Variants in TUBGCP3 observed in about 807,000 individuals in gnomAD.
The protein encoded by TUBGCP3 is tubulin gamma complex component 3.
TUBGCP3 carries 50 observed loss-of-function variants against 123.1 expected under a neutral mutation model. The ratio of observed to expected loss-of-function variants is 0.41; its 90% CI spans 0.32 to 0.51. TUBGCP3 has a LOEUF of 0.51. Among genes scored for constraint, TUBGCP3 ranks in the 20% least tolerant of loss-of-function variants. The pLI is 0.36. For synonymous variants in TUBGCP3, 405 were observed against 413.9 expected (o/e 0.98, Z 0.26); for missense variants, 882 against 1,127.0 (o/e 0.78, Z 3.11).
intron 20 of TUBGCP3, among the ~76,000 whole-genome samples, chr13:112,497,833 T>C (rs1057238828): frequency 7.2e-5 from 11 of 152,212 alleles, no homozygotes; most frequent in Non-Finnish European, 1.2e-4. Context: ...AATATGGCAT[T>C]ATAATTTTAT....
At chr13:112,542,980 T>C (rs1432110028) in intron 11 of TUBGCP3, among the ~76,000 whole-genome samples, 1 of 152,130 alleles carries the variant, frequency 6.6e-6, no homozygotes, top group African/African-American at 2.4e-5. Context: ...AAACCCCGTC[T>C]CTACTAAAAT....
Position 112,569,033 on chromosome 13 carries a change from T to C in TUBGCP3, c.184+119A>G, listed in dbSNP as rs1881198207. 10 of 806,786 alleles carry C rather than the reference T, an allele frequency of 1.2e-5. No individual in the cohort carries two copies. The Admixed American group carries it at 2.4e-4, about 19-fold the overall frequency. The allele number at this position is 806,786 out of a possible 1,614,324, so 50.0% of individuals were successfully genotyped here. A position where few individuals can be genotyped will look rare whatever the true frequency, so the allele number is the denominator to read the frequency against. On this transcript the variant is annotated intron_variant, in intron 2 of 21. Coordinates refer to ENST00000261965, the MANE Select transcript of TUBGCP3 (RefSeq NM_006322.6). ...ACAGAATTGACTTGTCCTTATTTTG[T>C]ACCAATATTAAAATGCGCTTGGGAA...
chr13:112,547,947 G>T (rs1242993359), intron 9 of TUBGCP3, among the ~76,000 whole-genome samples, 161 bp downstream of exon 9: 1 of 152,012 alleles, frequency 6.6e-6, no homozygotes, highest in Non-Finnish European at 1.5e-5. Flanking sequence ...ACTGGCTCTA[G>T]GATACACTGA....
chr13:112,492,474 G>A lies in TUBGCP3; in HGVS notation c.2449-2777C>T, dbSNP rs898795419. ...AATATGCGCATGTCACCCCCATGCAGATGCAAGCGAGGGCATCTCAGCACC... is the reference window on the plus strand; with the variant it reads ...AATATGCGCATGTCACCCCCATGCAAATGCAAGCGAGGGCATCTCAGCACC... On this transcript the variant is annotated intron_variant, in intron 20 of 21. Coordinates refer to ENST00000261965, the MANE Select transcript of TUBGCP3 (RefSeq NM_006322.6). 2.0e-5 allele frequency among the ~76,000 whole-genome samples: 3 copies of A among 152,374 alleles called. No individual in the cohort carries two copies. The South Asian group carries it at 6.2e-4, about 32-fold the overall frequency.
Position 112,519,863 on chromosome 13 carries a change from C to T in TUBGCP3, c.1881+23G>A. ...GGGTCCTCGGTGCCGGGGCGGCGTT[C>T]CCAACACGCAGAGCCGCAGTACCTC... On this transcript the variant is annotated intron_variant, in intron 15 of 21. Coordinates refer to ENST00000261965, the MANE Select transcript of TUBGCP3 (RefSeq NM_006322.6). This position sits in a 1 kb window ranked among gnomAD's most constrained non-coding sequence, Gnocchi z 6.2. The T allele has an allele frequency of 6.2e-7, 1 of 1,606,602 alleles. No homozygotes were observed. The highest frequency in any genetic ancestry group is 8.5e-7 in the Non-Finnish European group (1 of 1,175,024).
intron 3 of TUBGCP3, 44 bp downstream of exon 3, chr13:112,565,067 T>C (rs1880849822): frequency 1.3e-6 from 2 of 1,540,118 alleles, no homozygotes; most frequent in Non-Finnish European, 1.8e-6. Context: ...ACTCATCATA[T>C]CCTCAACAAT....
chr13:112,524,463 T>C lies in TUBGCP3; in HGVS notation c.1556-1954A>G, dbSNP rs565405301. Among the ~76,000 whole-genome samples, 4 of 152,344 alleles carry C rather than the reference T, an allele frequency of 2.6e-5. No individual in the cohort carries two copies. The highest frequency in any genetic ancestry group is 7.2e-5 in the African/African-American group (3 of 41,580). On this transcript the variant is annotated intron_variant, in intron 13 of 21. Coordinates refer to ENST00000261965, the MANE Select transcript of TUBGCP3 (RefSeq NM_006322.6). The surrounding 1 kb of genome is among the most constrained non-coding windows in gnomAD (Gnocchi z 4.4). Reference sequence around the variant, plus strand: ...GACGCCCTGTCCCAGGCACAGCCCATGTGTGCGCCGCCTTCTCTAGGAACT... The same window carrying C: ...GACGCCCTGTCCCAGGCACAGCCCACGTGTGCGCCGCCTTCTCTAGGAACT...
intron 20 of TUBGCP3, among the ~76,000 whole-genome samples, chr13:112,494,252 A>C (rs995547549): frequency 6.6e-6 from 1 of 152,232 alleles, no homozygotes. Flanking sequence ...AGGAGAGAGA[A>C]TGCTGGGTCA....
intron 2 of TUBGCP3, among the ~76,000 whole-genome samples, chr13:112,568,832 G>A (rs1448045092): frequency 1.3e-5 from 2 of 152,212 alleles, no homozygotes; most frequent in Admixed American, 6.5e-5. Flanking sequence ...AGACTCTTCA[G>A]AGGTGAAGCA....
intron 8 of TUBGCP3, among the ~76,000 whole-genome samples, chr13:112,552,807 T>C (rs552156726): frequency 1.7e-4 from 24 of 144,884 alleles, no homozygotes; most frequent in African/African-American, 4.4e-4. Context: ...TCAGCCATGC[T>C]CCTACTCAGC....
chr13:112,547,348 G>A, intron 10 of TUBGCP3: 4 of 434,518 alleles, frequency 9.2e-6, no homozygotes, highest in Non-Finnish European at 3.9e-6. Context: ...ATAAATACTG[G>A]GCCACACTGG....
chr13:112,486,059 G>A lies in TUBGCP3; in HGVS notation c.2658C>T (p.Tyr886=), dbSNP rs1454556357. The change falls in exon 22 of 22, where the codon TAC becomes TAT. Residue 886 remains tyrosine, a synonymous_variant. Transcript: ENST00000261965. ...LSFRLDFNEH[Y]KAREPRLRVS... is the part of the protein sequence containing the mutation. Reference sequence around the variant, plus strand: ...CACGGAGCCTGGGCTCCCTGGCTTTGTAATGCTCGTTGAAGTCCAGCCTGA... The same window carrying A: ...CACGGAGCCTGGGCTCCCTGGCTTTATAATGCTCGTTGAAGTCCAGCCTGA... The A allele has an allele frequency of 1.2e-6, 2 of 1,610,126 alleles. No individual in the cohort carries two copies. Among genetic ancestry groups the A allele is most frequent in the African/African-American group, 2.7e-5 (2 of 75,022 alleles).
intron 8 of TUBGCP3, among the ~76,000 whole-genome samples, chr13:112,552,920 C>G (rs927517801): frequency 6.6e-6 from 1 of 151,068 alleles, no homozygotes; most frequent in Non-Finnish European, 1.5e-5. Flanking sequence ...CACGCTGCCA[C>G]AGCACACTCC....
chr13:112,558,460 A>T (rs369827653), intron 4 of TUBGCP3, 47 bp from the exon 5 acceptor site: 2 of 1,450,912 alleles, frequency 1.4e-6, no homozygotes, highest in African/African-American at 2.8e-5. Context: ...ATTACAGAAC[A>T]GTCTTCCCAA....
rs1179179702 is a variant in TUBGCP3, at chr13:112,533,959, C to T, written c.1336-6475G>A. Among the ~76,000 whole-genome samples the T allele has an allele frequency of 2.0e-5, 3 of 152,106 alleles. No homozygotes were observed. The East Asian group carries it at 5.8e-4, about 29-fold the overall frequency. On this transcript the variant is annotated intron_variant, in intron 11 of 21. Coordinates refer to ENST00000261965, the MANE Select transcript of TUBGCP3 (RefSeq NM_006322.6). ...CCAATTTGTAGTCTTTTATCCCTCA[C>T]TCCCTTCCCACCCTTTCCCTCCAAG...
chr13:112,507,682 T>C (rs1881395463), intron 17 of TUBGCP3, among the ~76,000 whole-genome samples: 1 of 152,204 alleles, frequency 6.6e-6, no homozygotes, highest in African/African-American at 2.4e-5. Context: ...TCCAGAATTC[T>C]TCTCAGGGTC....
Position 112,504,682 on chromosome 13 carries a change from A to C in TUBGCP3, c.2119T>G (p.Leu707Val). 1 of 1,614,052 alleles carries C rather than the reference A, an allele frequency of 6.2e-7. No homozygotes were observed. The highest frequency in any genetic ancestry group is 1.3e-5 in the African/African-American group (1 of 75,022). ...ATGAAATGGACCATCTCAGAGGCCA[A>C]AATGTGACACTGGTGCAGCACCCCG... ...FSGVLHQCHI[L>V]ASEMVHFIHQ... is the part of the protein sequence containing the mutation. Residue 707 changes from leucine (L) to valine (V), a missense_variant, in exon 18 of 22, where the codon TTG becomes GTG. Transcript: ENST00000261965.
chr13:112,500,182 G>A (rs537850009), intron 19 of TUBGCP3, among the ~76,000 whole-genome samples: 4 of 152,300 alleles, frequency 2.6e-5, no homozygotes, highest in African/African-American at 9.6e-5. Flanking sequence ...AGGGCTGAGC[G>A]GGGGTTAATT....
rs146426982 is a variant in TUBGCP3, at chr13:112,494,342, G to A, written c.2449-4645C>T. On this transcript the variant is annotated intron_variant, in intron 20 of 21. Transcript: ENST00000261965. ...TTCCAGTTTATCCAGAACCAGCAGC[G>A]TAAGAGTCTTCTCACATCCTCACCA... Among the ~76,000 whole-genome samples the A allele has an allele frequency of 7.2e-5, 11 of 152,364 alleles. No individual in the cohort carries two copies. In the East Asian group the frequency reaches 1.5e-3, roughly 21 times the overall value.
Sources: gnomAD v4.1 joint callset for allele counts (sites outside exome capture counted in the v4.1 genomes callset) on GRCh38, gnomAD v4.1.1 for gene constraint, Gnocchi (gnomAD v3.1) non-coding constraint, MANE v1.5 for transcripts, NCBI Gene and HGNC (gene_info 2026-07-23, HGNC 2026-07-21) for gene names.